The following MTUS2 variants were observed in gnomAD, a reference collection of about 807,000 sequenced individuals.
The protein encoded by MTUS2 is microtubule-associated tumor suppressor candidate 2.
In MTUS2, 40 loss-of-function variants were observed where a neutral mutation model predicts 114.1. The observed-to-expected ratio is 0.35, with a 90% CI of 0.27 to 0.46. MTUS2 has a LOEUF of 0.46. MTUS2 is among the 20% of genes least tolerant of loss of function. MTUS2 has a pLI of 1.00. For synonymous variants in MTUS2, 688 were observed against 672.0 expected, an observed-to-expected ratio of 1.02 and a Z score of -0.37; for missense variants, 1,679 against 1,705.4, an observed-to-expected ratio of 0.98 and a Z score of 0.27.
chr13:28,998,624 G>A (rs150910336), intron 2 of MTUS2, among the ~76,000 whole-genome samples: 2,699 of 151,990 alleles, frequency 0.018, 82 homozygotes, highest in African/African-American at 0.061. Flanking sequence ...TTCTCTTCAC[G>A]CTTCATTTCA....
At chr13:29,372,184 A>T (rs1180899104) in intron 8 of MTUS2, among the ~76,000 whole-genome samples, 1 of 151,508 alleles carries the variant, frequency 6.6e-6, no homozygotes, top group East Asian at 1.9e-4. Context: ...CCTGCCTCCA[A>T]ATCTAGTGTG....
chr13:29,346,017 G>A (rs1216139204), intron 7 of MTUS2, among the ~76,000 whole-genome samples: 1 of 152,228 alleles, frequency 6.6e-6, no homozygotes, highest in African/African-American at 2.4e-5. Flanking sequence ...CTGTCTTCAG[G>A]TCTGTCAGCC....
chr13:29,260,600 T>A (rs549716865), intron 5 of MTUS2, among the ~76,000 whole-genome samples: 1 of 152,296 alleles, frequency 6.6e-6, no homozygotes, highest in Admixed American at 6.5e-5. Flanking sequence ...ACCTATATAG[T>A]CCCCATGTAG....
chr13:28,872,316 C>A (rs1348211305), intron 2 of MTUS2, among the ~76,000 whole-genome samples: 1 of 152,042 alleles, frequency 6.6e-6, no homozygotes, highest in Non-Finnish European at 1.5e-5. Flanking sequence ...TTGTCCTGAG[C>A]ATTTGAGTAG....
At chr13:29,206,018 T>C (rs1895170202) in intron 5 of MTUS2, among the ~76,000 whole-genome samples, 1 of 152,204 alleles carries the variant, frequency 6.6e-6, no homozygotes, top group African/African-American at 2.4e-5. Context: ...CTAGTTTACA[T>C]TCCCATCAGC....
intron 10 of MTUS2, among the ~76,000 whole-genome samples, chr13:29,486,963 A>G (rs1212918078): frequency 6.6e-6 from 1 of 152,218 alleles, no homozygotes; most frequent in Non-Finnish European, 1.5e-5. Flanking sequence ...TGACAATAAC[A>G]AAAACAGTAA....
At chr13:28,870,856 C>G (rs1053948177) in intron 2 of MTUS2, among the ~76,000 whole-genome samples, 2 of 152,156 alleles carry the variant, frequency 1.3e-5, no homozygotes, top group African/African-American at 4.8e-5. Context: ...AGTTTTAGTT[C>G]TTGCCACAGC....
At position 29,436,041 on chromosome 13, in the gene MTUS2, C is replaced by T. The variant is rs1877382688; in HGVS notation, c.3118-3942C>T. Among the ~76,000 whole-genome samples, 2 of 152,226 alleles carry T rather than the reference C, an allele frequency of 1.3e-5. 1 individual carries two copies. Among genetic ancestry groups the T allele is most frequent in the South Asian group, 4.1e-4 (2 of 4,830 alleles). On this transcript the variant is annotated intron_variant, in intron 8 of 15. Transcript: ENST00000612955. Reference sequence around the variant, plus strand: ...AACTCACAAAACAACACCCAGGACACAGACAGGCAGTTCAGGCTGTGGAGT... The same window carrying T: ...AACTCACAAAACAACACCCAGGACATAGACAGGCAGTTCAGGCTGTGGAGT...
chr13:28,825,369 G>A (rs1472275191), intron 1 of MTUS2, among the ~76,000 whole-genome samples: 2 of 152,138 alleles, frequency 1.3e-5, no homozygotes, highest in Non-Finnish European at 2.9e-5. Context: ...AAAAGATGTG[G>A]ACAGTGGAAA....
chr13:29,175,174 T>G (rs1893719005), intron 5 of MTUS2, among the ~76,000 whole-genome samples: 1 of 152,224 alleles, frequency 6.6e-6, no homozygotes, highest in Non-Finnish European at 1.5e-5. Flanking sequence ...AAATTGACCC[T>G]GAAATCCAAT....
In MTUS2 at chr13:29,100,892, C is replaced by T. The variant is rs1296798820; in HGVS notation, c.2566C>T (p.Arg856Trp). The T allele has an allele frequency of 4.5e-6, 7 of 1,567,950 alleles. No individual in the cohort carries two copies. In the Admixed American group the frequency reaches 5.6e-5, roughly 13 times the overall value. The change falls in exon 5 of 16, where the codon CGG (arginine) becomes TGG (tryptophan). Residue 856 changes from arginine (R) to tryptophan (W), a missense_variant. Arg to Trp is a moderately radical substitution (Grantham distance 101). Around this residue, in one of 3 missense-constraint regions of MTUS2, gnomAD observed 822 missense variants for 899.7 expected, o/e 0.91. Transcript: ENST00000612955. ...CAAACTGGCGGCATTTGGCTTTGTC[C>T]GGAGCTCCAGCGTCTCCTCAGTCTC... ...AAKLAAFGFV[R>W]SSSVSSVSST... is the part of the protein sequence containing the mutation.
At chr13:28,881,521 G>A (rs1277605925) in intron 2 of MTUS2, among the ~76,000 whole-genome samples, 3 of 152,154 alleles carry the variant, frequency 2.0e-5, no homozygotes, top group East Asian at 3.8e-4. Context: ...TCATATGGCA[G>A]TTCTATTTTT....
intron 15 of MTUS2, among the ~76,000 whole-genome samples, chr13:29,502,511 C>G (rs767492723): frequency 1.3e-5 from 2 of 152,228 alleles, no homozygotes; most frequent in Non-Finnish European, 2.9e-5. Context: ...GGGAGGACAC[C>G]TGCCATCGTG....
chr13:29,293,392 G>A (rs1205056020), intron 6 of MTUS2, among the ~76,000 whole-genome samples: 1 of 152,148 alleles, frequency 6.6e-6, no homozygotes, highest in Non-Finnish European at 1.5e-5. Context: ...TTTTTAGAAT[G>A]AGATACAGTC....
At position 28,935,535 on chromosome 13, in the gene MTUS2, C is replaced by A. The variant is rs773383498; in HGVS notation, c.-242-88922C>A. ...GGAACACATTTATAGTTCCATTATA[C>A]ACATATGTATAAGTGACTGTACTGA... is the stretch of plus-strand genomic sequence containing the variant. On this transcript the variant is annotated intron_variant, in intron 2 of 15. Coordinates refer to ENST00000612955, the MANE Select transcript of MTUS2 (RefSeq NM_001033602.4). Among the ~76,000 whole-genome samples the A allele has an allele frequency of 6.8e-4, 104 of 151,926 alleles. 1 individual carries two copies. The Middle Eastern group carries it at 0.01, about 15-fold the overall frequency.
intron 5 of MTUS2, among the ~76,000 whole-genome samples, chr13:29,276,322 C>A (rs1898061595): frequency 1.3e-5 from 2 of 152,270 alleles, no homozygotes; most frequent in Admixed American, 1.3e-4. Flanking sequence ...GAATATATAA[C>A]CTTGCAATTT....
chr13:29,012,092 C>T (rs1885868971), intron 2 of MTUS2, among the ~76,000 whole-genome samples: 1 of 152,132 alleles, frequency 6.6e-6, no homozygotes, highest in Non-Finnish European at 1.5e-5. Context: ...AGGTTTATAG[C>T]CTGCAGTCCT....
intron 8 of MTUS2, chr13:29,428,535 C>A (rs1348188304): frequency 2.0e-6 from 1 of 498,770 alleles, no homozygotes; most frequent in Non-Finnish European, 3.4e-6. Flanking sequence ...ATTGATTTGC[C>A]TCACCCTGAG....
chr13:29,213,671 G>T (rs1241248938), intron 5 of MTUS2, among the ~76,000 whole-genome samples: 1 of 152,010 alleles, frequency 6.6e-6, no homozygotes, highest in Non-Finnish European at 1.5e-5. Flanking sequence ...CTTAGTTTCA[G>T]CATGGAATAA....
Sources: gnomAD v4.1 joint callset for allele counts (sites outside exome capture counted in the v4.1 genomes callset) on GRCh38, gnomAD v4.1.1 for gene constraint, gnomAD v4.1.1 regional missense constraint, MANE v1.5 for transcripts, NCBI Gene and HGNC (gene_info 2026-07-23, HGNC 2026-07-21) for gene names.